PRPSAP1: variants seen among roughly 807,000 people sequenced by gnomAD.
PRPSAP1 encodes the protein phosphoribosyl pyrophosphate synthetase associated protein 1, also known as phosphoribosyl pyrophosphate synthase-associated protein 1.
In PRPSAP1, 31 loss-of-function variants were observed where a neutral mutation model predicts 39.4. The ratio of observed to expected loss-of-function variants is 0.79; its 90% CI spans 0.59 to 1.06. The LOEUF (loss-of-function observed/expected upper bound fraction) is 1.06, where lower values mean the gene tolerates loss of function less well. PRPSAP1 is among the 50% of genes least tolerant of loss of function. The probability of loss-of-function intolerance (pLI) is 0.00; values close to 1 mark genes in which losing one functional copy is unlikely to be tolerated. For missense variants in PRPSAP1, 430 were observed against 511.6 expected, an observed-to-expected ratio of 0.84 and a Z score of 1.54; for synonymous variants, 212 against 192.6, an observed-to-expected ratio of 1.10 and a Z score of -0.83.
chr17:76,345,236 T>TAAAAA (rs2071484540), intron 2 of PRPSAP1, among the ~76,000 whole-genome samples: 6 of 2,494 alleles, frequency 2.4e-3, no homozygotes, highest in Non-Finnish European at 4.9e-3. Flanking sequence ...TTCCGTCTCA[T>TAAAAA]TAAAAAAAAA....
Position 76,311,302 on chromosome 17 carries a change from G to T in PRPSAP1, c.*240C>A, listed in dbSNP as rs571065764. On this transcript the variant is annotated 3_prime_UTR_variant, in exon 10 of 10. Transcript: ENST00000446526. ...CAGATTATTTTTAAGAAAGCAGCTA[G>T]AACTTTTAAGGAACAGGGCTGATGA... 10 of 364,308 alleles carry T rather than the reference G, an allele frequency of 2.7e-5. No homozygotes were observed. Among genetic ancestry groups the T allele is most frequent in the Non-Finnish European group, 4.9e-5 (10 of 205,502 alleles). The allele number at this position is 364,308 out of a possible 1,614,324, so 22.6% of individuals were successfully genotyped here.
Position 76,311,411 on chromosome 17 carries a change from A to T in PRPSAP1, c.*131T>A, listed in dbSNP as rs2071068912. 1 of 998,562 alleles carries T rather than the reference A, an allele frequency of 1.0e-6. No individual in the cohort carries two copies. The highest frequency in any genetic ancestry group is 1.7e-5 in the African/African-American group (1 of 60,358). The allele number at this position is 998,562 out of a possible 1,614,324, so 61.9% of individuals were successfully genotyped here. On this transcript the variant is annotated 3_prime_UTR_variant, in exon 10 of 10. Coordinates refer to ENST00000446526, the MANE Select transcript of PRPSAP1 (RefSeq NM_002766.3). ...CTCTTTTAATCCCTCCTCCCCATCA[A>T]TCCGGGCAAAAGAAGATATCTAACT...
At chr17:76,327,377 G>A (rs1041052373) in intron 7 of PRPSAP1, among the ~76,000 whole-genome samples, 12 of 129,568 alleles carry the variant, frequency 9.3e-5, no homozygotes, top group South Asian at 2.5e-4. Flanking sequence ...AAAATAGGCC[G>A]GGCACGGTGG....
chr17:76,343,289 C>A (rs966142141), intron 3 of PRPSAP1, among the ~76,000 whole-genome samples: 1 of 152,226 alleles, frequency 6.6e-6, no homozygotes, highest in African/African-American at 2.4e-5. Flanking sequence ...CGTTCTCACT[C>A]AAGCAGGCCA....
At chr17:76,324,554 C>G (rs1361169897) in intron 7 of PRPSAP1, among the ~76,000 whole-genome samples, 1 of 150,352 alleles carries the variant, frequency 6.7e-6, no homozygotes, top group African/African-American at 2.4e-5. Context: ...TGAGCCAAGA[C>G]TGCACCACTG....
At chr17:76,351,083 T>G (rs1051041209) in intron 1 of PRPSAP1, among the ~76,000 whole-genome samples, 1 of 152,070 alleles carries the variant, frequency 6.6e-6, no homozygotes, top group African/African-American at 2.4e-5. Flanking sequence ...CTTTATGTTA[T>G]GTATATAACA....
At chr17:76,340,679 T>C (rs936647816) in intron 3 of PRPSAP1, among the ~76,000 whole-genome samples, 3 of 151,762 alleles carry the variant, frequency 2.0e-5, no homozygotes, top group African/African-American at 7.3e-5. Flanking sequence ...TCACTTGAGG[T>C]TGGGAGTTCG....
chr17:76,343,002 G>A (rs759744698), intron 3 of PRPSAP1, among the ~76,000 whole-genome samples: 11 of 151,618 alleles, frequency 7.3e-5, no homozygotes, highest in Admixed American at 3.3e-4. Flanking sequence ...ACTTGAACCC[G>A]GGAGGTGGAG....
At position 76,353,599 on chromosome 17, in the gene PRPSAP1, G is replaced by T. The variant is rs765220128; in HGVS notation, c.105C>A (p.Thr35=). The change falls in exon 1 of 10, where the codon ACC becomes ACA. Residue 35 remains threonine (T), a synonymous_variant. Coordinates refer to ENST00000446526, the MANE Select transcript of PRPSAP1 (RefSeq NM_002766.3). The part of the protein sequence containing the change: ...VPPPAMNAAR[T]GYRVFSANST... ...AGTTGGCCGAGAAGACTCGGTAGCC[G>T]GTGCGAGCGGCGTTCATGGCCGGCG... 1 of 1,559,246 alleles carries T rather than the reference G, an allele frequency of 6.4e-7. No individual in the cohort carries two copies. Among genetic ancestry groups the T allele is most frequent in the Admixed American group, 1.8e-5 (1 of 54,322 alleles).
chr17:76,316,795 G>A (rs2071129575), intron 7 of PRPSAP1, among the ~76,000 whole-genome samples: 1 of 152,168 alleles, frequency 6.6e-6, no homozygotes, highest in African/African-American at 2.4e-5. Flanking sequence ...GAAGGATGTA[G>A]GAAGTTGTCT....
intron 3 of PRPSAP1, among the ~76,000 whole-genome samples, chr17:76,341,314 T>C (rs932276960): frequency 5.4e-5 from 8 of 149,056 alleles, no homozygotes; most frequent in Non-Finnish European, 8.9e-5. Flanking sequence ...CACAGCTCAC[T>C]GTAGCCTCGA....
intron 5 of PRPSAP1, 81 bp downstream of exon 5, chr17:76,330,470 C>T: frequency 2.8e-6 from 3 of 1,065,218 alleles, no homozygotes; most frequent in Non-Finnish European, 4.1e-6. Context: ...ATGTGCCTTC[C>T]AGTAACGAAA....
intron 7 of PRPSAP1, among the ~76,000 whole-genome samples, chr17:76,325,069 CAAAA>C (rs71161285): frequency 8.5e-6 from 1 of 117,524 alleles, no homozygotes. Flanking sequence ...CGTCTCAAAA[CAAAA>C]AAAAAAAAAA....
chr17:76,330,156 T>A lies in PRPSAP1; in HGVS notation c.580-58A>T, dbSNP rs1249889935. On this transcript the variant is annotated intron_variant, in intron 5 of 9. Coordinates refer to ENST00000446526, the MANE Select transcript of PRPSAP1 (RefSeq NM_002766.3). ...AAGTTATCAGAAAATAACACCTGGA[T>A]GCTGGTATTCAAGTTTTCCCTCTTA... The A allele has an allele frequency of 2.0e-6, 3 of 1,463,924 alleles. No homozygotes were observed. In the South Asian group the frequency reaches 3.4e-5, roughly 17 times the overall value. The allele number at this position is 1,463,924 out of a possible 1,614,324, so 90.7% of individuals were successfully genotyped here.
At chr17:76,326,208 G>A (rs1049441264) in intron 7 of PRPSAP1, among the ~76,000 whole-genome samples, 19 of 152,114 alleles carry the variant, frequency 1.2e-4, no homozygotes, top group African/African-American at 4.6e-4. Context: ...AGAAGAGAAA[G>A]CTTTCTTGCA....
At chr17:76,337,884 T>G (rs1044528541) in intron 3 of PRPSAP1, among the ~76,000 whole-genome samples, 1 of 152,084 alleles carries the variant, frequency 6.6e-6, no homozygotes, top group Non-Finnish European at 1.5e-5. Context: ...GGATTACAGG[T>G]GTGAGCCACC....
chr17:76,315,605 GA>G (rs1474861341), intron 7 of PRPSAP1, among the ~76,000 whole-genome samples: 3 of 151,802 alleles, frequency 2.0e-5, no homozygotes, highest in Admixed American at 1.3e-4. Context: ...AAAATGGGGG[GA>G]GGGGGGTTTC....
intron 3 of PRPSAP1, among the ~76,000 whole-genome samples, chr17:76,339,177 G>T (rs1040187532): frequency 2.6e-5 from 4 of 152,048 alleles, no homozygotes; most frequent in African/African-American, 9.7e-5. Context: ...GGCCAAGGCG[G>T]GTGGATCACC....
rs137975813 is a variant in PRPSAP1, at chr17:76,340,747, G to A, written c.290+3924C>T. On this transcript the variant is annotated intron_variant, in intron 3 of 9. Transcript: ENST00000446526. The stretch of plus-strand genomic sequence containing the variant: ...CACTACTAAAAATACAAAATTAGCC[G>A]GGCGTAGTGGCACATGCCTGTAGTC... 8.2e-3 allele frequency among the ~76,000 whole-genome samples: 1,253 copies of A among 152,030 alleles called. 16 individuals are homozygous for A. Among genetic ancestry groups the A allele is most frequent in the African/African-American group, 0.028 (1,174 of 41,452 alleles).
Sources: gnomAD v4.1 joint callset for allele counts (sites outside exome capture counted in the v4.1 genomes callset) on GRCh38, gnomAD v4.1.1 for gene constraint, MANE v1.5 for transcripts, NCBI Gene and HGNC (gene_info 2026-07-23, HGNC 2026-07-21) for gene names.